The following CFAP43 variants were observed in gnomAD, a reference collection of about 807,000 sequenced individuals.
The protein encoded by CFAP43 is cilia and flagella associated protein 43, also known as cilia- and flagella-associated protein 43.
A neutral mutation model predicts 218.9 loss-of-function variants in CFAP43; 155 were observed. That is an observed-to-expected ratio of 0.71 (90% confidence interval 0.62 to 0.81). The LOEUF is 0.81. CFAP43 is among the 30% of genes least tolerant of loss of function. The pLI is 0.00. For missense variants in CFAP43, 1,778 were observed against 1,954.3 expected, an observed-to-expected ratio of 0.91 and a Z score of 1.70; for synonymous variants, 645 against 681.3, an observed-to-expected ratio of 0.95 and a Z score of 0.83.
At position 104,167,731 on chromosome 10, in the gene CFAP43, G is replaced by GA. The variant is rs1379380898; in HGVS notation, c.2697dup (p.His900SerfsTer7). 3 of 1,602,446 alleles carry GA rather than the reference G, an allele frequency of 1.9e-6. No individual in the cohort carries two copies. Among genetic ancestry groups the GA allele is most frequent in the Non-Finnish European group, 2.5e-6 (3 of 1,176,506 alleles). ...AAGTTTTCAACCACACAGGGGATAT[G>GA]AAAACACTTGGGGAAAAAAACGCAA... is the stretch of plus-strand genomic sequence containing the variant. On this transcript the variant is annotated frameshift_variant, in exon 22 of 38. Coordinates refer to ENST00000357060, the MANE Select transcript of CFAP43 (RefSeq NM_025145.7). LOFTEE classifies it high-confidence loss of function.
Position 104,142,359 on chromosome 10 carries a change from G to T in CFAP43, c.4193C>A (p.Ala1398Glu). ...KQKAADLLEMATFLQKRVEEE... is the reference protein window; with the variant it reads ...KQKAADLLEMETFLQKRVEEE... ...CTCAACTCTCTTCTGGAGGAAAGTT[G>T]CCATTTCCAATAAGTCAGCTGCTTT... is the stretch of plus-strand genomic sequence containing the variant. Residue 1398 changes from alanine (A) to glutamate (E), a missense_variant, in exon 33 of 38, where the codon GCA becomes GAA. Ala to Glu is a moderately radical substitution (Grantham distance 107). Transcript: ENST00000357060. The T allele has an allele frequency of 1.2e-6, 2 of 1,613,262 alleles. No homozygotes were observed. The highest frequency in any genetic ancestry group is 1.7e-6 in the Non-Finnish European group (2 of 1,179,618).
intron 34 of CFAP43, among the ~76,000 whole-genome samples, chr10:104,136,297 A>AAGAAAAC (rs1202322841): frequency 6.6e-6 from 1 of 151,070 alleles, no homozygotes; most frequent in Non-Finnish European, 1.5e-5. Context: ...GAAAAGAAGA[A>AAGAAAAC]AGAAAACAGG....
chr10:104,174,712 A>G (rs1257866244), intron 19 of CFAP43, among the ~76,000 whole-genome samples: 1 of 152,120 alleles, frequency 6.6e-6, no homozygotes, highest in South Asian at 2.1e-4. Flanking sequence ...AAATTGAATA[A>G]AGATAAATAA....
chr10:104,140,223 T>G (rs762255200), intron 34 of CFAP43, among the ~76,000 whole-genome samples: 1 of 152,196 alleles, frequency 6.6e-6, no homozygotes, highest in African/African-American at 2.4e-5. Flanking sequence ...CTAACTAAGC[T>G]TATCTAAGAT....
chr10:104,214,246 C>A lies in CFAP43; in HGVS notation c.584+13G>T. 6.4e-7 allele frequency: 1 copy of A among 1,555,190 alleles called. No individual in the cohort carries two copies. The highest frequency in any genetic ancestry group is 8.7e-7 in the Non-Finnish European group (1 of 1,150,752). On this transcript the variant is annotated intron_variant, in intron 4 of 37. Transcript: ENST00000357060. ...GACCACCATGTTGCTACTGTTGTAA[C>A]AAAGGCTCCTACCTTGCTCTGAAAC...
chr10:104,162,296 G>GT, intron 25 of CFAP43, 21 bp downstream of exon 25: 1 of 1,587,206 alleles, frequency 6.3e-7, no homozygotes, highest in Non-Finnish European at 8.5e-7. Context: ...CTTAGGACCT[G>GT]TGTTAAGCAA....
intron 17 of CFAP43, among the ~76,000 whole-genome samples, chr10:104,181,322 A>T (rs1048343554): frequency 6.6e-6 from 1 of 151,952 alleles, no homozygotes; most frequent in Non-Finnish European, 1.5e-5. Context: ...GGAATCCACC[A>T]CTTCTCTCCT....
chr10:104,165,864 A>G (rs2089125909), intron 23 of CFAP43, among the ~76,000 whole-genome samples: 1 of 152,200 alleles, frequency 6.6e-6, no homozygotes, highest in Non-Finnish European at 1.5e-5. Flanking sequence ...TATACCGAGA[A>G]AACGGAATTC....
At position 104,215,136 on chromosome 10, in the gene CFAP43, AAAATAAATAAAT is replaced by A. The variant is rs34704967; in HGVS notation, c.417-722_417-711del. On this transcript the variant is annotated intron_variant, in intron 3 of 37. Transcript: ENST00000357060. ...GGCAACAGAGCAAGACTCCATCTCAAAAATAAATAAATAAATAAATAAATAAATAAATAAATA... is the reference window on the plus strand; with the variant it reads ...GGCAACAGAGCAAGACTCCATCTCAAAAATAAATAAATAAATAAATAAATA... Among the ~76,000 whole-genome samples the A allele has an allele frequency of 4.9e-3, 719 of 146,454 alleles. 5 individuals are homozygous for A. In the East Asian group the frequency reaches 0.055, roughly 11 times the overall value.
At chr10:104,153,015 C>G (rs2088351850) in intron 27 of CFAP43, among the ~76,000 whole-genome samples, 1 of 152,308 alleles carries the variant, frequency 6.6e-6, no homozygotes, top group South Asian at 2.1e-4. Flanking sequence ...TGCAGCAAAT[C>G]TTTCCAGAAA....
Position 104,232,226 on chromosome 10 carries a change from G to C in CFAP43, c.21C>G (p.Arg7=). The change falls in exon 1 of 38, where the codon CGC becomes CGG. Residue 7 remains arginine, a synonymous_variant. Transcript: ENST00000357060. ...CGCCGGCGGAGTGGGGGCCTTCGTC[G>C]CGCTCCCGGCCTTGCGCCATGGGCA... MAQGRE[R]DEGPHSAGGA... 1 of 1,608,278 alleles carries C rather than the reference G, an allele frequency of 6.2e-7. No homozygotes were observed. Among genetic ancestry groups the C allele is most frequent in the South Asian group, 1.1e-5 (1 of 90,260 alleles).
intron 34 of CFAP43, among the ~76,000 whole-genome samples, chr10:104,134,673 C>T (rs1589608580): frequency 2.6e-5 from 4 of 151,742 alleles, no homozygotes; most frequent in African/African-American, 9.7e-5. Context: ...CTATAAAAAC[C>T]AATTCAAAAA....
chr10:104,147,657 T>C (rs1348782605), intron 29 of CFAP43, among the ~76,000 whole-genome samples: 1 of 152,178 alleles, frequency 6.6e-6, no homozygotes, highest in Non-Finnish European at 1.5e-5. Context: ...AGCTACACAG[T>C]TCTTTTGGCT....
chr10:104,209,009 A>G (rs892443258), intron 5 of CFAP43, among the ~76,000 whole-genome samples: 1 of 152,214 alleles, frequency 6.6e-6, no homozygotes, highest in African/African-American at 2.4e-5. Context: ...CTATGAATAG[A>G]TAATGGGATT....
At chr10:104,231,770 C>G (rs1428080811) in intron 1 of CFAP43, among the ~76,000 whole-genome samples, 2 of 152,118 alleles carry the variant, frequency 1.3e-5, no homozygotes, top group Admixed American at 6.6e-5. Flanking sequence ...ATTCAGGGAC[C>G]TAACTTTGGG....
At position 104,193,910 on chromosome 10, in the gene CFAP43, G is replaced by C. The variant is rs763217980; in HGVS notation, c.1398C>G (p.Val466=). 1.2e-6 allele frequency: 2 copies of C among 1,614,012 alleles called. No individual in the cohort carries two copies. The highest frequency in any genetic ancestry group is 1.7e-5 in the Admixed American group (1 of 60,000). ...ATTCCGAGAGAAAGGCCTTGTGCAC[G>C]ACCTGAGGGGATTCCTTATCATATA... The part of the protein sequence containing the change: ...ISVYDKESPQ[V]VHKAFLSESS... The change falls in exon 11 of 38, where the codon GTC becomes GTG. Residue 466 remains valine (V), a synonymous_variant. Transcript: ENST00000357060.
intron 5 of CFAP43, 135 bp downstream of exon 5, chr10:104,211,872 G>T (rs916231163): frequency 4.0e-6 from 4 of 992,906 alleles, no homozygotes; most frequent in Non-Finnish European, 4.2e-6. Context: ...CAGTCTCTGT[G>T]GCTAATCTAT....
At chr10:104,134,091 C>T (rs1383431141) in intron 34 of CFAP43, among the ~76,000 whole-genome samples, 2 of 152,088 alleles carry the variant, frequency 1.3e-5, no homozygotes, top group East Asian at 3.8e-4. Context: ...GCATTTGTAT[C>T]CCTATTCATT....
chr10:104,206,167 TAACA>T (rs2090681775), intron 6 of CFAP43, 137 bp from the exon 7 acceptor site: 1 of 656,156 alleles, frequency 1.5e-6, no homozygotes, highest in Non-Finnish European at 2.6e-6. Flanking sequence ...TCTATGTAAC[TAACA>T]TAGATGCTAG....
Sources: gnomAD v4.1 joint callset for allele counts (sites outside exome capture counted in the v4.1 genomes callset) on GRCh38, gnomAD v4.1.1 for gene constraint, MANE v1.5 for transcripts, NCBI Gene and HGNC (gene_info 2026-07-23, HGNC 2026-07-21) for gene names.